The following RXFP2 variants were observed in gnomAD, a reference collection of about 807,000 sequenced individuals.
The protein encoded by RXFP2 is relaxin receptor 2.
RXFP2 carries 68 observed loss-of-function variants against 88.6 expected under a neutral mutation model. The observed-to-expected ratio is 0.77, with a 90% confidence interval of 0.63 to 0.94. The LOEUF is 0.94. RXFP2 is among the 40% of genes least tolerant of loss of function. RXFP2 has a pLI of 0.00. For missense variants in RXFP2, 791 were observed against 893.9 expected (o/e 0.88, Z 1.47); for synonymous variants, 329 against 306.8 (o/e 1.07, Z -0.76).
At chr13:31,782,566 A>T in intron 10 of RXFP2, 110 bp from the exon 11 acceptor site, 3 of 807,382 alleles carry the variant, frequency 3.7e-6, no homozygotes, top group Non-Finnish European at 6.6e-6. Context: ...TCCCTTGAAG[A>T]CTTCAAAGGA....
At chr13:31,780,933 C>T (rs1873237014) in intron 9 of RXFP2, among the ~76,000 whole-genome samples, 1 of 152,180 alleles carries the variant, frequency 6.6e-6, no homozygotes. Flanking sequence ...TAGCAAGTTC[C>T]AGGCAGCGCT....
chr13:31,755,252 T>C (rs2138398205), intron 1 of RXFP2, among the ~76,000 whole-genome samples: 1 of 152,316 alleles, frequency 6.6e-6, no homozygotes, highest in South Asian at 2.1e-4. Flanking sequence ...CATTAGGGGA[T>C]CATGAAATCA....
rs574302497 is a variant in RXFP2 at position 31,802,449 on chromosome 13, A to G, written c.*44A>G. The G allele has an allele frequency of 4.4e-5, 70 of 1,600,332 alleles. 2 individuals carry two copies. The South Asian group carries it at 7.3e-4, about 17-fold the overall frequency. ...GGACTTTCAGTGGACTACCTAAAAC[A>G]GGGGACAGCTTTTGGAAGATGACAT... On this transcript the variant is annotated 3_prime_UTR_variant, in exon 18 of 18. Transcript: ENST00000298386.
At chr13:31,766,119 C>T in intron 5 of RXFP2, 92 bp downstream of exon 5, 1 of 723,672 alleles carries the variant, frequency 1.4e-6, no homozygotes, top group Non-Finnish European at 2.5e-6. Flanking sequence ...TGTTTGTTAT[C>T]TTTATCATTA....
At chr13:31,781,156 A>G (rs1873250238) in intron 9 of RXFP2, among the ~76,000 whole-genome samples, 1 of 152,226 alleles carries the variant, frequency 6.6e-6, no homozygotes, top group African/African-American at 2.4e-5. Flanking sequence ...ATGTGAGGAT[A>G]TAATGATCAA....
rs1035549362 is a variant in RXFP2 at position 31,761,624 on chromosome 13, T to A, written c.242-100T>A. On this transcript the variant is annotated intron_variant, in intron 2 of 17. Coordinates refer to ENST00000298386, the MANE Select transcript of RXFP2 (RefSeq NM_130806.5). ...TTAAAATATCAATAATTCTATTACT[T>A]AAACATATTTTAGTTTAAAATCATT... is the stretch of plus-strand genomic sequence containing the variant. 5.2e-6 allele frequency: 4 copies of A among 770,920 alleles called. No homozygotes were observed. The Admixed American group carries it at 7.7e-5, about 15-fold the overall frequency. 47.8% of individuals were successfully genotyped at this position (770,920 alleles called of 1,614,324 possible). A position where few individuals can be genotyped will look rare whatever the true frequency, so the allele number is the denominator to read the frequency against.
intron 14 of RXFP2, among the ~76,000 whole-genome samples, chr13:31,790,720 A>G (rs941519778): frequency 2.6e-5 from 4 of 152,226 alleles, no homozygotes; most frequent in Non-Finnish European, 5.9e-5. Flanking sequence ...AAGGTAAGGG[A>G]TAGAAGGAGG....
At chr13:31,753,693 G>C (rs527710514) in intron 1 of RXFP2, among the ~76,000 whole-genome samples, 1 of 152,186 alleles carries the variant, frequency 6.6e-6, no homozygotes, top group Admixed American at 6.5e-5. Context: ...TAATGACAGA[G>C]TGGAATGATA....
At chr13:31,800,143 C>T (rs758767064) in intron 17 of RXFP2, among the ~76,000 whole-genome samples, 3 of 152,200 alleles carry the variant, frequency 2.0e-5, no homozygotes, top group Non-Finnish European at 4.4e-5. Context: ...CTTCCCATGG[C>T]GTTGTAAGAA....
At chr13:31,759,412 A>AGAAAGAAAGAAAGAAG (rs1872171138) in intron 2 of RXFP2, among the ~76,000 whole-genome samples, 2 of 150,616 alleles carry the variant, frequency 1.3e-5, no homozygotes, top group African/African-American at 4.9e-5. Context: ...AAAGAAAGAA[A>AGAAAGAAAGAAAGAAG]GAAAGAAAGA....
chr13:31,769,264 A>C (rs1872653517), intron 5 of RXFP2, among the ~76,000 whole-genome samples: 1 of 152,180 alleles, frequency 6.6e-6, no homozygotes, highest in African/African-American at 2.4e-5. Context: ...AATTTCAAAC[A>C]ATTCACTAAT....
intron 9 of RXFP2, among the ~76,000 whole-genome samples, chr13:31,781,105 A>G (rs1429396827): frequency 1.3e-5 from 2 of 152,208 alleles, no homozygotes; most frequent in African/African-American, 4.8e-5. Context: ...ATTCTCCTTC[A>G]GCAAAACAGA....
In RXFP2 at chr13:31,741,430, TATA is replaced by T. The variant is rs1871221292; in HGVS notation, c.94+1727_94+1729del. On this transcript the variant is annotated intron_variant, in intron 1 of 17. Coordinates refer to ENST00000298386, the MANE Select transcript of RXFP2 (RefSeq NM_130806.5). The stretch of plus-strand genomic sequence containing the variant: ...CTTATAAAAATAATAGAATTTGCTC[TATA>T]ATTAGTAAAACTCTTTTCTTTTTCA... Among the ~76,000 whole-genome samples, 8 of 152,168 alleles carry T rather than the reference TATA, an allele frequency of 5.3e-5. No homozygotes were observed. In the South Asian group the frequency reaches 1.7e-3, roughly 32 times the overall value.
chr13:31,792,306 G>T (rs1873835470), intron 15 of RXFP2, among the ~76,000 whole-genome samples: 1 of 152,120 alleles, frequency 6.6e-6, no homozygotes, highest in African/African-American at 2.4e-5. Flanking sequence ...AGTTTTGTGG[G>T]TGATAAAACT....
chr13:31,763,444 G>A (rs544228160), intron 3 of RXFP2, among the ~76,000 whole-genome samples: 51 of 152,268 alleles, frequency 3.3e-4, no homozygotes, highest in Admixed American at 5.9e-4. Flanking sequence ...CATCTAGTGG[G>A]TAGAGGCCAG....
chr13:31,746,347 CATTA>C (rs917448126), intron 1 of RXFP2, among the ~76,000 whole-genome samples: 2 of 152,162 alleles, frequency 1.3e-5, no homozygotes, highest in Admixed American at 6.5e-5. Context: ...TTGTTTGACA[CATTA>C]ATTCTACTTG....
At chr13:31,750,215 G>A (rs928228703) in intron 1 of RXFP2, among the ~76,000 whole-genome samples, 2 of 152,022 alleles carry the variant, frequency 1.3e-5, no homozygotes, top group Non-Finnish European at 2.9e-5. Flanking sequence ...TCAAAACACT[G>A]GTCCTGACTA....
intron 1 of RXFP2, among the ~76,000 whole-genome samples, chr13:31,749,903 A>G (rs1027940902): frequency 2.6e-5 from 4 of 152,224 alleles, no homozygotes; most frequent in Non-Finnish European, 5.9e-5. Context: ...TACAACAATG[A>G]ATAGATATAG....
At chr13:31,748,063 T>A (rs1231454624) in intron 1 of RXFP2, among the ~76,000 whole-genome samples, 1 of 152,242 alleles carries the variant, frequency 6.6e-6, no homozygotes, top group Non-Finnish European at 1.5e-5. Context: ...GATGTTGTAG[T>A]TTGCTCATTT....
Sources: allele counts gnomAD v4.1 joint callset (sites outside exome capture counted in the v4.1 genomes callset), GRCh38; gene constraint gnomAD v4.1.1; transcripts MANE v1.5; gene names NCBI Gene and HGNC (gene_info 2026-07-23, HGNC 2026-07-21).